PCDH9: variants seen among roughly 807,000 people sequenced by gnomAD.
PCDH9 encodes protocadherin 9.
In PCDH9, 24 loss-of-function variants were observed where a neutral mutation model predicts 70.6. That is an observed-to-expected ratio of 0.34 (90% CI 0.25 to 0.48). PCDH9 has a LOEUF of 0.48. Among genes scored for constraint, PCDH9 ranks in the 20% least tolerant of loss-of-function variants. PCDH9 has a pLI of 0.99. For synonymous variants in PCDH9, 562 were observed against 558.5 expected (o/e 1.01, Z -0.09); for missense variants, 1,281 against 1,503.6 (o/e 0.85, Z 2.45).
At chr13:67,124,041 T>C (rs554069763) in intron 2 of PCDH9, among the ~76,000 whole-genome samples, 1 of 152,288 alleles carries the variant, frequency 6.6e-6, no homozygotes, top group Admixed American at 6.5e-5. Flanking sequence ...GAATCATTCG[T>C]TGTAATTTGT....
At chr13:66,996,835 T>C (rs780822023) in intron 2 of PCDH9, among the ~76,000 whole-genome samples, 1 of 152,158 alleles carries the variant, frequency 6.6e-6, no homozygotes, top group African/African-American at 2.4e-5. Context: ...TTACTCCAAA[T>C]GCAAAATTAA....
At chr13:66,679,679 T>A (rs934091516) in intron 3 of PCDH9, among the ~76,000 whole-genome samples, 1 of 151,892 alleles carries the variant, frequency 6.6e-6, no homozygotes, top group Non-Finnish European at 1.5e-5. Flanking sequence ...GAAAAGCAAA[T>A]CCCCAATAGA....
chr13:66,971,015 A>G (rs977134385), intron 2 of PCDH9, among the ~76,000 whole-genome samples: 1 of 152,026 alleles, frequency 6.6e-6, no homozygotes, highest in African/African-American at 2.4e-5. Context: ...AAAGAGGGCC[A>G]AGTTGTGCAG....
intron 4 of PCDH9, among the ~76,000 whole-genome samples, chr13:66,532,973 A>C (rs1960533279): frequency 6.6e-6 from 1 of 152,144 alleles, no homozygotes. Context: ...GCATGACTGA[A>C]ACTATCTCTG....
chr13:66,524,160 G>A (rs1960117190), intron 4 of PCDH9, among the ~76,000 whole-genome samples: 1 of 151,888 alleles, frequency 6.6e-6, no homozygotes, highest in African/African-American at 2.4e-5. Context: ...CAATTTGCAA[G>A]AATTATTTAG....
At position 67,227,928 on chromosome 13, in the gene PCDH9, T is replaced by A; in HGVS notation, c.513A>T (p.Thr171=). The part of the protein sequence containing the change: ...FPIPSATDPD[T]GFNGVQHYEL... Reference sequence around the variant, plus strand: ...CATAATGCTGTACACCATTGAAGCCTGTGTCAGGATCTGTTGCTGATGGAA... The same window carrying A: ...CATAATGCTGTACACCATTGAAGCCAGTGTCAGGATCTGTTGCTGATGGAA... The change falls in exon 2 of 5, where the codon ACA becomes ACT. Residue 171 remains threonine (T), a synonymous_variant. Coordinates refer to ENST00000377865, the MANE Select transcript of PCDH9 (RefSeq NM_203487.3). This position sits in a 1 kb window ranked among gnomAD's most constrained non-coding sequence, Gnocchi z 4.6. 8 of 1,614,152 alleles carry A rather than the reference T, an allele frequency of 5.0e-6. No homozygotes were observed. Among genetic ancestry groups the A allele is most frequent in the Non-Finnish European group, 6.8e-6 (8 of 1,180,030 alleles).
intron 4 of PCDH9, among the ~76,000 whole-genome samples, chr13:66,393,237 C>T (rs1481561620): frequency 6.6e-6 from 1 of 152,098 alleles, no homozygotes; most frequent in Non-Finnish European, 1.5e-5. Context: ...ATTCAGAATA[C>T]AGGTGGTATT....
chr13:66,371,247 A>G (rs540216121), intron 4 of PCDH9, among the ~76,000 whole-genome samples: 4 of 152,214 alleles, frequency 2.6e-5, no homozygotes, highest in East Asian at 1.9e-4. Flanking sequence ...AGCATCTCCC[A>G]GAAAAAAAGT....
At chr13:67,062,187 T>G (rs2085551964) in intron 2 of PCDH9, among the ~76,000 whole-genome samples, 1 of 152,146 alleles carries the variant, frequency 6.6e-6, no homozygotes, top group African/African-American at 2.4e-5. Flanking sequence ...CAATTTTATT[T>G]GCCCAAACAG....
chr13:66,578,824 G>A (rs1042865897), intron 4 of PCDH9, among the ~76,000 whole-genome samples: 2 of 151,972 alleles, frequency 1.3e-5, no homozygotes, highest in African/African-American at 4.8e-5. Context: ...GCCATTTTGG[G>A]AGCCAACTGA....
chr13:66,676,914 T>C (rs1214260263), intron 3 of PCDH9, among the ~76,000 whole-genome samples: 1 of 152,234 alleles, frequency 6.6e-6, no homozygotes, highest in East Asian at 1.9e-4. Context: ...TTAATGTTTG[T>C]TTTCCTTTAT....
At chr13:66,661,780 T>C (rs1370862469) in intron 3 of PCDH9, among the ~76,000 whole-genome samples, 2 of 152,222 alleles carry the variant, frequency 1.3e-5, no homozygotes, top group Non-Finnish European at 2.9e-5. Context: ...AATATGCTAC[T>C]GATAAAGGGG....
chr13:67,125,942 T>A (rs2086971058), intron 2 of PCDH9, among the ~76,000 whole-genome samples: 1 of 152,144 alleles, frequency 6.6e-6, no homozygotes, highest in Non-Finnish European at 1.5e-5. Flanking sequence ...ACTGTTTTAA[T>A]TGTATACTTT....
chr13:67,163,703 G>A (rs1478654123), intron 2 of PCDH9, among the ~76,000 whole-genome samples: 1 of 152,160 alleles, frequency 6.6e-6, no homozygotes, highest in Non-Finnish European at 1.5e-5. Flanking sequence ...ACTGTATAAT[G>A]TTTGCAGAGA....
At chr13:66,972,144 AC>A (rs2083534985) in intron 2 of PCDH9, among the ~76,000 whole-genome samples, 1 of 151,924 alleles carries the variant, frequency 6.6e-6, no homozygotes, top group Non-Finnish European at 1.5e-5. Flanking sequence ...TATTGCTAAT[AC>A]ACACACATGT....
chr13:66,822,973 TA>T, intron 3 of PCDH9, among the ~76,000 whole-genome samples: 1 of 152,226 alleles, frequency 6.6e-6, no homozygotes, highest in African/African-American at 2.4e-5. Context: ...AACTCTATTT[TA>T]AAATGTTAAC....
chr13:66,579,475 G>A (rs2076860250), intron 4 of PCDH9, among the ~76,000 whole-genome samples: 1 of 152,012 alleles, frequency 6.6e-6, no homozygotes, highest in African/African-American at 2.4e-5. Flanking sequence ...TGACTGCTAT[G>A]AGAAATATAT....
intron 4 of PCDH9, among the ~76,000 whole-genome samples, chr13:66,460,431 T>A (rs551608103): frequency 1.6e-4 from 25 of 151,960 alleles, no homozygotes; most frequent in African/African-American, 5.8e-4. Flanking sequence ...TTCTTCATGG[T>A]CACATTAGGA....
chr13:66,353,301 CA>C (rs1166547724), intron 4 of PCDH9, among the ~76,000 whole-genome samples: 11 of 152,016 alleles, frequency 7.2e-5, no homozygotes, highest in African/African-American at 2.4e-4. Context: ...CTGAAAAATA[CA>C]AAATATTAAT....
Sources: allele counts gnomAD v4.1 joint callset (sites outside exome capture counted in the v4.1 genomes callset), GRCh38; gene constraint gnomAD v4.1.1; non-coding constraint Gnocchi (gnomAD v3.1); transcripts MANE v1.5; gene names NCBI Gene and HGNC (gene_info 2026-07-23, HGNC 2026-07-21).